The following SLC35F4 variants were observed in gnomAD, a reference collection of about 807,000 sequenced individuals.
SLC35F4 encodes solute carrier family 35 member F4.
SLC35F4 carries 24 observed loss-of-function variants against 44.2 expected under a neutral mutation model. The observed-to-expected ratio is 0.54, with a 90% confidence interval of 0.39 to 0.76. The LOEUF (loss-of-function observed/expected upper bound fraction) is 0.76, where lower values mean the gene tolerates loss of function less well. SLC35F4 is among the 30% of genes least tolerant of loss of function. The pLI, the probability that SLC35F4 is intolerant of heterozygous loss-of-function variation, is 0.00. For synonymous variants in SLC35F4, 238 were observed against 223.6 expected (o/e 1.06, Z -0.57); for missense variants, 562 against 586.1 (o/e 0.96, Z 0.42).
chr14:57,729,284 C>G (rs1373952421), intron 1 of SLC35F4, among the ~76,000 whole-genome samples: 1 of 152,022 alleles, frequency 6.6e-6, no homozygotes, highest in Non-Finnish European at 1.5e-5. Context: ...TTACTTTACT[C>G]TCTGCTTTTC....
chr14:57,799,975 C>T (rs946720199), intron 1 of SLC35F4, among the ~76,000 whole-genome samples: 2 of 152,180 alleles, frequency 1.3e-5, no homozygotes, highest in Admixed American at 1.3e-4. Flanking sequence ...AGGAAGGGTC[C>T]CACACAACCT....
chr14:57,827,688 A>C (rs528686590), intron 1 of SLC35F4, among the ~76,000 whole-genome samples: 2 of 152,198 alleles, frequency 1.3e-5, no homozygotes, highest in African/African-American at 4.8e-5. Flanking sequence ...TAAGAGTTAT[A>C]TATGAAATCT....
At chr14:57,852,969 C>T (rs1291821058) in intron 1 of SLC35F4, among the ~76,000 whole-genome samples, 3 of 152,164 alleles carry the variant, frequency 2.0e-5, no homozygotes, top group East Asian at 3.8e-4. Flanking sequence ...TTGGCATTAG[C>T]CTAGGTCTAA....
intron 1 of SLC35F4, among the ~76,000 whole-genome samples, chr14:57,657,083 A>T (rs1381754118): frequency 3.9e-5 from 6 of 152,334 alleles, no homozygotes; most frequent in Non-Finnish European, 1.5e-5. Flanking sequence ...CAGAAAACAC[A>T]AGTTCAGGCA....
chr14:57,963,712 CTTTTTTTT>C (rs68101912), intron 1 of SLC35F4, among the ~76,000 whole-genome samples: 1 of 31,292 alleles, frequency 3.2e-5, no homozygotes, highest in Non-Finnish European at 6.3e-5. Flanking sequence ...ATTCTAGCTC[CTTTTTTTT>C]TTTTTTTTTT....
At chr14:57,918,286 AC>A (rs1035801716) in intron 1 of SLC35F4, among the ~76,000 whole-genome samples, 2 of 152,110 alleles carry the variant, frequency 1.3e-5, no homozygotes, top group African/African-American at 4.8e-5. Context: ...AGACTTGGCC[AC>A]CCTGAACCTC....
At chr14:57,752,521 T>C (rs2076909102) in intron 1 of SLC35F4, among the ~76,000 whole-genome samples, 1 of 151,532 alleles carries the variant, frequency 6.6e-6, no homozygotes, top group Non-Finnish European at 1.5e-5. Flanking sequence ...AGTGCAGTGG[T>C]GTGATCTCGG....
chr14:57,872,009 T>C (rs1033716488), intron 1 of SLC35F4, among the ~76,000 whole-genome samples: 2 of 152,096 alleles, frequency 1.3e-5, no homozygotes, highest in Non-Finnish European at 2.9e-5. Context: ...CAACAAATCA[T>C]AGAGAAGACA....
chr14:57,732,370 A>C (rs143315939), intron 1 of SLC35F4, among the ~76,000 whole-genome samples: 148 of 152,300 alleles, frequency 9.7e-4, no homozygotes, highest in African/African-American at 3.4e-3. Flanking sequence ...AGCACAGTAA[A>C]GTTATAATGT....
intron 4 of SLC35F4, among the ~76,000 whole-genome samples, chr14:57,573,693 G>T (rs1397460523): frequency 1.3e-5 from 2 of 152,000 alleles, no homozygotes; most frequent in Admixed American, 6.6e-5. Context: ...TTCTTTGGGG[G>T]ATCTGATTTC....
intron 1 of SLC35F4, among the ~76,000 whole-genome samples, chr14:57,740,172 A>G (rs1447475511): frequency 6.6e-6 from 1 of 152,196 alleles, no homozygotes; most frequent in Non-Finnish European, 1.5e-5. Flanking sequence ...ATGCAAGACA[A>G]TGATAACCTG....
At chr14:57,892,483 A>C (rs1051558764) in intron 1 of SLC35F4, among the ~76,000 whole-genome samples, 5 of 152,184 alleles carry the variant, frequency 3.3e-5, no homozygotes, top group Admixed American at 6.5e-5. Context: ...CAGCAGCTAA[A>C]AGATGTGCCT....
chr14:57,924,006 G>T (rs1380391488), intron 1 of SLC35F4, among the ~76,000 whole-genome samples: 1 of 152,182 alleles, frequency 6.6e-6, no homozygotes, highest in African/African-American at 2.4e-5. Context: ...TAGTGAATGA[G>T]TCTCACAAGA....
intron 1 of SLC35F4, among the ~76,000 whole-genome samples, chr14:57,742,480 C>T (rs1405449520): frequency 6.6e-6 from 1 of 152,058 alleles, no homozygotes. Flanking sequence ...ACAAAGAAGG[C>T]CATTACATAA....
At chr14:57,853,129 A>G (rs1414842553) in intron 1 of SLC35F4, among the ~76,000 whole-genome samples, 1 of 152,182 alleles carries the variant, frequency 6.6e-6, no homozygotes, top group African/African-American at 2.4e-5. Flanking sequence ...ACGTTTTCCA[A>G]ACTTGATGTA....
intron 1 of SLC35F4, among the ~76,000 whole-genome samples, chr14:57,709,431 G>A (rs2075762416): frequency 6.6e-6 from 1 of 151,412 alleles, no homozygotes; most frequent in Admixed American, 6.6e-5. Flanking sequence ...TATAGAGCGA[G>A]GATTATTATA....
At chr14:57,834,218 T>C (rs958017379) in intron 1 of SLC35F4, among the ~76,000 whole-genome samples, 3 of 152,124 alleles carry the variant, frequency 2.0e-5, no homozygotes, top group East Asian at 3.8e-4. Context: ...TTGGTAAAAA[T>C]TGAGAAAGAG....
At chr14:57,801,990 T>C (rs2078204383) in intron 1 of SLC35F4, among the ~76,000 whole-genome samples, 1 of 152,164 alleles carries the variant, frequency 6.6e-6, no homozygotes, top group Admixed American at 6.5e-5. Context: ...CCAATAGATA[T>C]CTACAGAACT....
intron 1 of SLC35F4, among the ~76,000 whole-genome samples, chr14:57,598,710 A>G (rs935077829): frequency 1.3e-5 from 2 of 152,226 alleles, no homozygotes; most frequent in Admixed American, 6.5e-5. Flanking sequence ...CTATGGGCAC[A>G]AAAGGTCAAC....
Sources: allele counts gnomAD v4.1 joint callset (sites outside exome capture counted in the v4.1 genomes callset), GRCh38; gene constraint gnomAD v4.1.1; transcripts MANE v1.5; gene names NCBI Gene and HGNC (gene_info 2026-07-23, HGNC 2026-07-21).